Variants in SMC5 observed in about 807,000 individuals in gnomAD.
SMC5 encodes structural maintenance of chromosomes 5, also known as structural maintenance of chromosomes protein 5.
A neutral mutation model predicts 148.3 loss-of-function variants in SMC5; 88 were observed. The observed-to-expected ratio is 0.59, with a 90% confidence interval of 0.50 to 0.71. The LOEUF (loss-of-function observed/expected upper bound fraction) is 0.71. Among genes scored for constraint, SMC5 ranks in the 30% least tolerant of loss-of-function variants. SMC5 has a pLI of 0.00. For synonymous variants in SMC5, 421 were observed against 432.8 expected, an observed-to-expected ratio of 0.97 and a Z score of 0.34; for missense variants, 1,142 against 1,298.9, an observed-to-expected ratio of 0.88 and a Z score of 1.86.
At chr9:70,333,009 C>A (rs1257749365) in intron 17 of SMC5, among the ~76,000 whole-genome samples, 1 of 152,120 alleles carries the variant, frequency 6.6e-6, no homozygotes, top group Non-Finnish European at 1.5e-5. Context: ...CCCCTTACAA[C>A]TGGGGACGAG....
At chr9:70,308,686 A>G (rs1469236920) in intron 11 of SMC5, among the ~76,000 whole-genome samples, 1 of 150,292 alleles carries the variant, frequency 6.7e-6, no homozygotes. Context: ...GTCTCTCAAC[A>G]TTTTTTCTTT....
chr9:70,268,297 T>C (rs2034347722), intron 3 of SMC5, among the ~76,000 whole-genome samples: 1 of 151,852 alleles, frequency 6.6e-6, no homozygotes, highest in African/African-American at 2.4e-5. Context: ...AATAGAAAAA[T>C]TATCCAGGCA....
At chr9:70,306,081 C>A (rs1164234268) in intron 11 of SMC5, among the ~76,000 whole-genome samples, 1 of 152,020 alleles carries the variant, frequency 6.6e-6, no homozygotes, top group Non-Finnish European at 1.5e-5. Flanking sequence ...TGTTATATAA[C>A]CTACATAATA....
chr9:70,275,508 T>G (rs984611872), intron 3 of SMC5, among the ~76,000 whole-genome samples: 6 of 152,176 alleles, frequency 3.9e-5, no homozygotes, highest in African/African-American at 1.4e-4. Flanking sequence ...GCCTGATTGT[T>G]GTCTTCTAAT....
intron 15 of SMC5, among the ~76,000 whole-genome samples, chr9:70,319,299 TA>T (rs1564057129): frequency 1.3e-5 from 2 of 152,336 alleles, no homozygotes; most frequent in African/African-American, 4.8e-5. Flanking sequence ...TTCATTAATT[TA>T]TTTTTTTTTA....
chr9:70,262,199 C>T (rs2034157220), intron 1 of SMC5, among the ~76,000 whole-genome samples: 1 of 152,044 alleles, frequency 6.6e-6, no homozygotes, highest in Admixed American at 6.6e-5. Flanking sequence ...TGGAGGAAGA[C>T]ACTTGGAGGC....
chr9:70,305,022 A>T (rs1812503016), intron 10 of SMC5, among the ~76,000 whole-genome samples: 1 of 152,208 alleles, frequency 6.6e-6, no homozygotes, highest in Admixed American at 6.5e-5. Context: ...ATCAAAATCA[A>T]TATGCACTGT....
intron 10 of SMC5, among the ~76,000 whole-genome samples, chr9:70,304,838 T>C (rs2035455874): frequency 6.6e-6 from 1 of 152,160 alleles, no homozygotes; most frequent in Non-Finnish European, 1.5e-5. Context: ...TTAAAGTTCT[T>C]TGTGTTTTTG....
intron 4 of SMC5, 132 bp from the exon 5 acceptor site, chr9:70,278,359 C>T: frequency 3.8e-6 from 3 of 788,088 alleles, no homozygotes; most frequent in South Asian, 4.0e-5. Flanking sequence ...AAGAATAATG[C>T]ACAAAAGGTT....
At chr9:70,336,522 C>A (rs1315981920) in intron 17 of SMC5, among the ~76,000 whole-genome samples, 3 of 152,092 alleles carry the variant, frequency 2.0e-5, no homozygotes, top group African/African-American at 7.2e-5. Context: ...AATAGGTAGT[C>A]GGTGTCCAGC....
intron 5 of SMC5, among the ~76,000 whole-genome samples, chr9:70,280,179 TGA>T (rs2034711898): frequency 6.6e-6 from 1 of 152,174 alleles, no homozygotes; most frequent in Non-Finnish European, 1.5e-5. Context: ...TAGTTTCACT[TGA>T]AACACTCACC....
At position 70,305,340 on chromosome 9, in the gene SMC5, A is replaced by T; in HGVS notation, c.1558A>T (p.Met520Leu). ...CTTTGTATTTGAAAGTCAAGAAGAT[A>T]TGGAGGTTTTCCTCAAAGAGGCAAG... ...RAFVFESQED[M>L]EVFLKEVRDN... is the part of the protein sequence containing the mutation. The change falls in exon 11 of 25, where the codon ATG becomes TTG. Residue 520 changes from methionine (M) to leucine (L), a missense_variant. Physicochemically the swap from Met to Leu is conservative, Grantham distance 15. This residue lies in a region of SMC5 where 743 missense variants were observed against 835.7 expected (regional missense o/e 0.89). Transcript: ENST00000361138. 1 of 1,597,736 alleles carries T rather than the reference A, an allele frequency of 6.3e-7. No individual in the cohort carries two copies. The highest frequency in any genetic ancestry group is 1.1e-5 in the South Asian group (1 of 89,796).
intron 15 of SMC5, among the ~76,000 whole-genome samples, chr9:70,322,940 C>T (rs1040940216): frequency 1.3e-5 from 2 of 152,110 alleles, no homozygotes; most frequent in African/African-American, 4.8e-5. Flanking sequence ...AATGTTATTT[C>T]GCTTTACCCA....
At chr9:70,338,940 G>T (rs2036437448) in intron 17 of SMC5, among the ~76,000 whole-genome samples, 1 of 152,020 alleles carries the variant, frequency 6.6e-6, no homozygotes, top group Admixed American at 6.6e-5. Context: ...AGGATCACTT[G>T]AGTCCAGGAG....
intron 3 of SMC5, among the ~76,000 whole-genome samples, chr9:70,274,098 A>G (rs1205591989): frequency 6.6e-6 from 1 of 152,158 alleles, no homozygotes; most frequent in African/African-American, 2.4e-5. Context: ...TAAGATTAAA[A>G]TTGTTTATCT....
chr9:70,262,007 G>T (rs2034152100), intron 1 of SMC5, among the ~76,000 whole-genome samples: 1 of 152,146 alleles, frequency 6.6e-6, no homozygotes, highest in African/African-American at 2.4e-5. Flanking sequence ...AGAAAGAGAA[G>T]GTAGCTGGAA....
intron 11 of SMC5, chr9:70,310,772 T>A (rs2035637291): frequency 6.6e-6 from 1 of 152,244 alleles, no homozygotes; most frequent in Non-Finnish European, 1.5e-5. Context: ...TCATCAGTGA[T>A]CTTAGCTAGA....
intron 6 of SMC5, among the ~76,000 whole-genome samples, chr9:70,281,239 A>AC (rs1217564641): frequency 1.3e-5 from 2 of 151,910 alleles, no homozygotes; most frequent in Non-Finnish European, 2.9e-5. Flanking sequence ...ACAGGGTTTC[A>AC]CCATGTTGGC....
At chr9:70,308,183 T>C (rs936799198) in intron 11 of SMC5, among the ~76,000 whole-genome samples, 1 of 152,174 alleles carries the variant, frequency 6.6e-6, no homozygotes, top group African/African-American at 2.4e-5. Context: ...AGCTTTGGGG[T>C]ACCTTCTAGT....
Sources: allele counts gnomAD v4.1 joint callset (sites outside exome capture counted in the v4.1 genomes callset), GRCh38; gene constraint gnomAD v4.1.1; regional missense constraint gnomAD v4.1.1; transcripts MANE v1.5; gene names NCBI Gene and HGNC (gene_info 2026-07-23, HGNC 2026-07-21).